PHACTR4: variants seen among roughly 807,000 people sequenced by gnomAD.
PHACTR4 encodes the protein phosphatase and actin regulator 4, also known as protein phosphatase 1, regulatory subunit 124.
PHACTR4 carries 51 observed loss-of-function variants against 72.7 expected under a neutral mutation model. The observed-to-expected ratio is 0.70, with a 90% CI of 0.56 to 0.89. PHACTR4 has a LOEUF of 0.89. PHACTR4 is among the 40% of genes least tolerant of loss of function. The pLI, the probability that PHACTR4 is intolerant of heterozygous loss-of-function variation, is 0.00. For synonymous variants in PHACTR4, 255 were observed against 302.5 expected (o/e 0.84, Z 1.63); for missense variants, 731 against 861.8 (o/e 0.85, Z 1.90).
At chr1:28,450,890 A>C (rs1657898296) in intron 2 of PHACTR4, among the ~76,000 whole-genome samples, 1 of 150,134 alleles carries the variant, frequency 6.7e-6, no homozygotes, top group Non-Finnish European at 1.5e-5. Flanking sequence ...AGCTCACTGC[A>C]GCCTCTGCCT....
At chr1:28,470,455 T>C (rs1659489842) in intron 6 of PHACTR4, among the ~76,000 whole-genome samples, 1 of 151,786 alleles carries the variant, frequency 6.6e-6, no homozygotes, top group South Asian at 2.1e-4. Flanking sequence ...TTTGGGAGGC[T>C]GAGGCAGGTA....
intron 7 of PHACTR4, 115 bp downstream of exon 7, chr1:28,474,266 GC>G: frequency 1.0e-6 from 1 of 984,932 alleles, no homozygotes; most frequent in Non-Finnish European, 1.5e-6. Context: ...ACACCTGTAA[GC>G]CCAGCACTTT....
intron 8 of PHACTR4, among the ~76,000 whole-genome samples, chr1:28,477,133 T>G (rs1439485845): frequency 6.7e-6 from 1 of 148,492 alleles, no homozygotes; most frequent in Non-Finnish European, 1.5e-5. Context: ...TCATCCAGAC[T>G]GGAGTGCAGG....
intron 2 of PHACTR4, among the ~76,000 whole-genome samples, chr1:28,417,046 T>A (rs77520506): frequency 6.6e-6 from 1 of 152,054 alleles, no homozygotes; most frequent in African/African-American, 2.4e-5. Context: ...CTTTTTTTTT[T>A]CTTTTTTTTG....
At position 28,378,198 on chromosome 1, in the gene PHACTR4, TA is replaced by T. The variant is rs60280611; in HGVS notation, c.-39+8391del. ...GGTGACAGAGCGAGACTCCATCTCA[TA>T]AAAAAAAAAAAAAAAAATTTGGCCA... On this transcript the variant is annotated intron_variant, in intron 1 of 13. Transcript: ENST00000373839. Among the ~76,000 whole-genome samples the T allele has an allele frequency of 6.3e-3, 480 of 76,330 alleles. 2 individuals are homozygous for T. Among genetic ancestry groups the T allele is most frequent in the Middle Eastern group, 8.6e-3 (1 of 116 alleles). The allele number at this position is 76,330 out of a possible 152,430, so 50.1% of individuals were successfully genotyped here. A position where few individuals can be genotyped will look rare whatever the true frequency, so the allele number is the denominator to read the frequency against.
intron 1 of PHACTR4, among the ~76,000 whole-genome samples, chr1:28,404,961 A>G (rs1654216474): frequency 6.6e-6 from 1 of 151,598 alleles, no homozygotes; most frequent in Non-Finnish European, 1.5e-5. Context: ...CCCTCCTAGT[A>G]TCCATGTGTT....
At chr1:28,436,534 C>T (rs1656648488) in intron 2 of PHACTR4, among the ~76,000 whole-genome samples, 1 of 152,130 alleles carries the variant, frequency 6.6e-6, no homozygotes, top group Non-Finnish European at 1.5e-5. Context: ...CCTCACAATG[C>T]ATGGTTAGTT....
At chr1:28,441,504 T>A (rs1657027782) in intron 2 of PHACTR4, among the ~76,000 whole-genome samples, 1 of 152,244 alleles carries the variant, frequency 6.6e-6, no homozygotes, top group South Asian at 2.1e-4. Flanking sequence ...TATGCAAATT[T>A]ATGAGATGTT....
chr1:28,408,672 T>TTA (rs1429063789), intron 2 of PHACTR4, among the ~76,000 whole-genome samples: 3 of 148,790 alleles, frequency 2.0e-5, no homozygotes, highest in Non-Finnish European at 4.5e-5. Flanking sequence ...ATATATATAT[T>TTA]TTTTTTTAAT....
chr1:28,384,343 C>T (rs780144144), intron 1 of PHACTR4, among the ~76,000 whole-genome samples: 3 of 151,864 alleles, frequency 2.0e-5, no homozygotes, highest in South Asian at 2.1e-4. Context: ...TTTCAGAGCT[C>T]GTTATTGGTC....
intron 2 of PHACTR4, among the ~76,000 whole-genome samples, chr1:28,428,413 A>G (rs1335805667): frequency 1.3e-5 from 2 of 152,240 alleles, no homozygotes; most frequent in East Asian, 1.9e-4. Flanking sequence ...TCTTCTCCCT[A>G]TCCCCTGGGA....
At chr1:28,395,208 G>A (rs1013134986) in intron 1 of PHACTR4, among the ~76,000 whole-genome samples, 1 of 152,116 alleles carries the variant, frequency 6.6e-6, no homozygotes, top group East Asian at 1.9e-4. Flanking sequence ...CACCAGGCCC[G>A]GCTGGCCATC....
At chr1:28,398,603 G>A (rs1293277770) in intron 1 of PHACTR4, among the ~76,000 whole-genome samples, 1 of 152,090 alleles carries the variant, frequency 6.6e-6, no homozygotes, top group Non-Finnish European at 1.5e-5. Context: ...CGGATCGCTT[G>A]AGGTCAAGAG....
intron 4 of PHACTR4, among the ~76,000 whole-genome samples, chr1:28,464,977 T>C (rs1242735459): frequency 6.6e-6 from 1 of 152,084 alleles, no homozygotes; most frequent in Non-Finnish European, 1.5e-5. Flanking sequence ...GTGCTGAGAT[T>C]ACAGGTGTGA....
At chr1:28,373,478 C>T (rs1369023025) in intron 1 of PHACTR4, among the ~76,000 whole-genome samples, 4 of 151,904 alleles carry the variant, frequency 2.6e-5, no homozygotes, top group Admixed American at 6.6e-5. Flanking sequence ...TTAGTAGAGA[C>T]GGGAATTCAC....
chr1:28,370,175 C>G (rs973534354), intron 1 of PHACTR4, among the ~76,000 whole-genome samples: 1 of 152,082 alleles, frequency 6.6e-6, no homozygotes, highest in Non-Finnish European at 1.5e-5. Context: ...CCCCCGGTCC[C>G]CAACAGGGAC....
chr1:28,401,080 GCTCT>G (rs1653910647), intron 1 of PHACTR4, among the ~76,000 whole-genome samples: 1 of 152,180 alleles, frequency 6.6e-6, no homozygotes, highest in African/African-American at 2.4e-5. Flanking sequence ...TCTGCAACTG[GCTCT>G]CTCTGCCTGA....
Position 28,459,221 on chromosome 1 carries a change from A to G in PHACTR4, c.153A>G (p.Lys51=), listed in dbSNP as rs781029198. Residue 51 remains lysine, a synonymous_variant, in exon 3 of 14, where the codon AAA becomes AAG. Coordinates refer to ENST00000373839, the MANE Select transcript of PHACTR4 (RefSeq NM_001048183.3). Reference sequence around the variant, plus strand: ...TCTTCAAGCCCTGGAAATGGAGGAAAAAAAAAAGTAGTGATAAATTTAAAG... The same window carrying G: ...TCTTCAAGCCCTGGAAATGGAGGAAGAAAAAAAGTAGTGATAAATTTAAAG... ...GKIFKPWKWR[K]KKSSDKFKET... 6.2e-7 allele frequency: 1 copy of G among 1,613,854 alleles called. No homozygotes were observed. Among genetic ancestry groups the G allele is most frequent in the Admixed American group, 1.7e-5 (1 of 59,946 alleles).
In PHACTR4 at chr1:28,447,065, C is replaced by T. The variant is rs565516871; in HGVS notation, c.17-12020C>T. Among the ~76,000 whole-genome samples the T allele has an allele frequency of 2.6e-5, 4 of 151,416 alleles. No homozygotes were observed. In the South Asian group the frequency reaches 6.2e-4, roughly 24 times the overall value. ...TCACTTTGTTGCCCAGGCTGGAGTC[C>T]AGTGGTGCGATCTCAGCTCACTGCA... On this transcript the variant is annotated intron_variant, in intron 2 of 13. Transcript: ENST00000373839.
Sources: allele counts gnomAD v4.1 joint callset (sites outside exome capture counted in the v4.1 genomes callset), GRCh38; gene constraint gnomAD v4.1.1; transcripts MANE v1.5; gene names NCBI Gene and HGNC (gene_info 2026-07-23, HGNC 2026-07-21).